OTOG: variants seen among roughly 807,000 people sequenced by gnomAD.
OTOG encodes the protein otogelin.
A neutral mutation model predicts 313.8 loss-of-function variants in OTOG; 296 were observed. The observed-to-expected ratio is 0.94, with a 90% CI of 0.86 to 1.04. The LOEUF (loss-of-function observed/expected upper bound fraction) is 1.04, where lower values mean the gene tolerates loss of function less well. Among genes scored for constraint, OTOG ranks in the 50% least tolerant of loss-of-function variants. OTOG has a pLI of 0.00. For missense variants in OTOG, 3,948 were observed against 3,840.1 expected (o/e 1.03, Z -0.74); for synonymous variants, 1,533 against 1,554.9 (o/e 0.99, Z 0.33).
At chr11:17,551,240 G>C (rs906279943) in intron 3 of OTOG, among the ~76,000 whole-genome samples, 4 of 152,202 alleles carry the variant, frequency 2.6e-5, no homozygotes, top group Non-Finnish European at 5.9e-5. Context: ...GGTGACATTA[G>C]ACGTCTCGGA....
At chr11:17,555,263 C>T (rs944812609) in intron 6 of OTOG, among the ~76,000 whole-genome samples, 1 of 149,594 alleles carries the variant, frequency 6.7e-6, no homozygotes, top group Non-Finnish European at 1.5e-5. Context: ...AGATGTGTGC[C>T]GATGGGTGTA....
intron 7 of OTOG, among the ~76,000 whole-genome samples, chr11:17,556,604 G>A (rs1241414663): frequency 2.0e-5 from 3 of 152,220 alleles, no homozygotes; most frequent in Admixed American, 1.3e-4. Context: ...TGAATGAAGA[G>A]TTGGTAAATG....
At position 17,613,195 on chromosome 11, in the gene OTOG, T is replaced by TTTCTTTTCTTTCTTTC. The variant is rs1401646180; in HGVS notation, c.6439-415_6439-414insCTTTTCTTTCTTTCTT. Among the ~76,000 whole-genome samples the TTTCTTTTCTTTCTTTC allele has an allele frequency of 1.4e-3, 91 of 65,280 alleles. 1 individual carries two copies. Among genetic ancestry groups the TTTCTTTTCTTTCTTTC allele is most frequent in the East Asian group, 6.4e-3 (13 of 2,044 alleles). The allele number at this position is 65,280 out of a possible 152,430, so 42.8% of individuals were successfully genotyped here. A position where few individuals can be genotyped will look rare whatever the true frequency, so the allele number is the denominator to read the frequency against. On this transcript the variant is annotated intron_variant, in intron 38 of 55. Coordinates refer to ENST00000399397, the MANE Select transcript of OTOG (RefSeq NM_001292063.2). ...TTTTCTTTCTTTCTTTCTTTCTTTC[T>TTTCTTTTCTTTCTTTC]TTTCTTTCTTTCTTTCTTTCTTTCT...
At chr11:17,602,010 C>T (rs1234078378) in intron 31 of OTOG, among the ~76,000 whole-genome samples, 200 bp from the exon 32 acceptor site, 1 of 152,180 alleles carries the variant, frequency 6.6e-6, no homozygotes, top group Non-Finnish European at 1.5e-5. Flanking sequence ...CTGTTCCTTT[C>T]AGGGGCTGGC....
At position 17,547,365 on chromosome 11, in the gene OTOG, G is replaced by A. The variant is rs1284465825; in HGVS notation, c.-8G>A. Reference sequence around the variant, plus strand: ...TGCGCTCAAGTCCTCCGGTCCCCTCGTGTCCCTATGGGAGTCCTGGCGTCT... The same window carrying A: ...TGCGCTCAAGTCCTCCGGTCCCCTCATGTCCCTATGGGAGTCCTGGCGTCT... On this transcript the variant is annotated 5_prime_UTR_variant, in exon 1 of 56. In the 5' UTR this introduces an upstream ATG that the reference lacks. Coordinates refer to ENST00000399397, the MANE Select transcript of OTOG (RefSeq NM_001292063.2). 3 of 1,352,472 alleles carry A rather than the reference G, an allele frequency of 2.2e-6. No homozygotes were observed. The highest frequency in any genetic ancestry group is 3.8e-5 in the South Asian group (2 of 52,700). 83.8% of individuals were successfully genotyped at this position (1,352,472 alleles called of 1,614,324 possible).
chr11:17,593,694 C>T lies in OTOG; in HGVS notation c.3226C>T (p.His1076Tyr), dbSNP rs1433390130. The change falls in exon 27 of 56, where the codon CAC becomes TAC. Residue 1076 changes from histidine to tyrosine, a missense_variant. Physicochemically the swap from His to Tyr is moderately conservative, Grantham distance 83. Transcript: ENST00000399397. The stretch of plus-strand genomic sequence containing the variant: ...CACACTGGTGCATTTCCCACAGGAG[C>T]ACATCACCCTCTTGTGGGACCAGAG... ...FFTLVHFPQE[H>Y]ITLLWDQRTT... 5 of 1,548,992 alleles carry T rather than the reference C, an allele frequency of 3.2e-6. No individual in the cohort carries two copies. Among genetic ancestry groups the T allele is most frequent in the Non-Finnish European group, 4.4e-6 (5 of 1,146,972 alleles).
rs1286443186 is a variant in OTOG, at chr11:17,578,516, T to A, written c.2749T>A (p.Cys917Ser). The A allele has an allele frequency of 6.5e-7, 1 of 1,535,424 alleles. No individual in the cohort carries two copies. The highest frequency in any genetic ancestry group is 2.0e-5 in the Admixed American group (1 of 50,608). Residue 917 changes from cysteine to serine, a missense_variant, in exon 23 of 56, where the codon TGT becomes AGT. Cys to Ser is a moderately radical substitution (Grantham distance 112). Transcript: ENST00000399397. ...ARGPCLSGCA[C>S]PQGLLRHGDA... ...TGGCCCCTGCCTCTCGGGCTGCGCC[T>A]GTCCCCAGGGGTAAGTACCCATGGT... is the stretch of plus-strand genomic sequence containing the variant.
Position 17,558,232 on chromosome 11 carries a change from C to A in OTOG, c.913C>A (p.Gln305Lys). The A allele has an allele frequency of 6.4e-7, 1 of 1,550,548 alleles. No individual in the cohort carries two copies. The highest frequency in any genetic ancestry group is 1.2e-5 in the South Asian group (1 of 84,056). Residue 305 changes from glutamine (Q) to lysine (K), a missense_variant, in exon 9 of 56, where the codon CAG (glutamine) becomes AAG (lysine). Physicochemically the swap from Gln to Lys is moderately conservative, Grantham distance 53. Coordinates refer to ENST00000399397, the MANE Select transcript of OTOG (RefSeq NM_001292063.2). ...TGAGTTTGTGCACAGCTGGCAGGAG[C>A]AGGCCCCTAACCAGCCTCCAGGGCC... Reference protein sequence around the residue: ...VVEFVHSWQEQAPNQPPGPTT... With the variant: ...VVEFVHSWQEKAPNQPPGPTT...
intron 19 of OTOG, among the ~76,000 whole-genome samples, chr11:17,574,208 G>C (rs961068848): frequency 4.6e-5 from 7 of 152,154 alleles, no homozygotes; most frequent in Admixed American, 2.0e-4. Context: ...CACAAGGAGA[G>C]GGCAGTCTTG....
Position 17,569,285 on chromosome 11 carries a change from G to A in OTOG, c.1774G>A (p.Asp592Asn). 6.4e-7 allele frequency: 1 copy of A among 1,550,598 alleles called. No homozygotes were observed. Among genetic ancestry groups the A allele is most frequent in the Non-Finnish European group, 8.7e-7 (1 of 1,146,988 alleles). The change falls in exon 16 of 56, where the codon GAT becomes AAT. Residue 592 changes from aspartate (D) to asparagine (N), a missense_variant. Physicochemically the swap from Asp to Asn is conservative, Grantham distance 23 (BLOSUM62 1). Transcript: ENST00000399397. ...GTACAAGATCATCCCGCCATACACA[G>A]ATGGTACGGTTTGGGGTGGACAACA... ...DQYKIIPPYT[D>N]DAFEIRRLSS...
Position 17,570,121 on chromosome 11 carries a change from G to A in OTOG, c.1778-92G>A, listed in dbSNP as rs1159641966. 44 of 1,185,650 alleles carry A rather than the reference G, an allele frequency of 3.7e-5. No individual in the cohort carries two copies. The East Asian group carries it at 8.0e-4, about 21-fold the overall frequency. 73.4% of individuals were successfully genotyped at this position (1,185,650 alleles called of 1,614,324 possible). A position where few individuals can be genotyped will look rare whatever the true frequency, so the allele number is the denominator to read the frequency against. On this transcript the variant is annotated intron_variant, in intron 16 of 55. Transcript: ENST00000399397. ...GCAGGGGGCGAAGACTGGGCCGGGC[G>A]TGGGAGTCTGAGCGGGCCAGGCAGG...
intron 39 of OTOG, among the ~76,000 whole-genome samples, chr11:17,619,918 A>T (rs959809630): frequency 6.6e-6 from 1 of 152,146 alleles, no homozygotes; most frequent in Admixed American, 6.5e-5. Context: ...TTTAACACTT[A>T]TGTAGTACAG....
At chr11:17,554,205 T>G (rs1042713524) in intron 6 of OTOG, among the ~76,000 whole-genome samples, 1 of 152,168 alleles carries the variant, frequency 6.6e-6, no homozygotes, top group Non-Finnish European at 1.5e-5. Flanking sequence ...TCTCCTGACC[T>G]TCCAAGCTGG....
chr11:17,642,320 C>T, intron 53 of OTOG, 74 bp downstream of exon 53: 3 of 1,486,150 alleles, frequency 2.0e-6, no homozygotes, highest in Non-Finnish European at 1.8e-6. Context: ...GGTGGAGGTC[C>T]TGTGTGCAGG....
intron 31 of OTOG, 75 bp from the exon 32 acceptor site, chr11:17,602,135 C>A: frequency 6.7e-7 from 1 of 1,496,942 alleles, no homozygotes; most frequent in Admixed American, 2.1e-5. Context: ...CCACTGCTGC[C>A]AAGGGGTGGG....
chr11:17,621,229 A>G (rs533599405), intron 39 of OTOG, among the ~76,000 whole-genome samples: 10 of 152,180 alleles, frequency 6.6e-5, no homozygotes, highest in African/African-American at 2.4e-4. Context: ...AATATTCTTG[A>G]GCTTTGTAGT....
intron 32 of OTOG, among the ~76,000 whole-genome samples, chr11:17,605,639 G>C (rs1171294209): frequency 1.3e-5 from 2 of 152,222 alleles, no homozygotes; most frequent in Non-Finnish European, 2.9e-5. Context: ...CAGCTGGGGG[G>C]TCTCTAAGCC....
At chr11:17,597,150 G>T in intron 30 of OTOG, 143 bp downstream of exon 30, 1 of 1,113,378 alleles carries the variant, frequency 9.0e-7, no homozygotes. Context: ...GTTATTCATT[G>T]AATTCTTACA....
intron 15 of OTOG, among the ~76,000 whole-genome samples, chr11:17,563,860 T>G (rs909870524): frequency 6.8e-6 from 1 of 147,610 alleles, no homozygotes; most frequent in Non-Finnish European, 1.5e-5. Context: ...TTTGGTTTTT[T>G]TTTTTTTTTT....
Sources: gnomAD v4.1 joint callset for allele counts (sites outside exome capture counted in the v4.1 genomes callset) on GRCh38, gnomAD v4.1.1 for gene constraint, MANE v1.5 for transcripts, NCBI Gene and HGNC (gene_info 2026-07-23, HGNC 2026-07-21) for gene names.